The following SNX21 variants were observed in gnomAD, a reference collection of about 807,000 sequenced individuals.
The protein encoded by SNX21 is sorting nexin family member 21, also known as sorting nexin-21.
In SNX21, 36 loss-of-function variants were observed where a neutral mutation model predicts 30.9. That is an observed-to-expected ratio of 1.16 (90% CI 0.89 to 1.54). The LOEUF (loss-of-function observed/expected upper bound fraction) is 1.54, where lower values mean the gene tolerates loss of function less well. Ranked by LOEUF, SNX21 falls within the 40% of genes most tolerant of loss-of-function variation. SNX21 has a pLI of 0.00. For synonymous variants in SNX21, 218 were observed against 222.7 expected (o/e 0.98, Z 0.19); for missense variants, 508 against 516.5 (o/e 0.98, Z 0.16).
At chr20:45,836,813 C>G (rs538320026) in intron 3 of SNX21, among the ~76,000 whole-genome samples, 3 of 152,264 alleles carry the variant, frequency 2.0e-5, no homozygotes, top group Admixed American at 6.5e-5. Context: ...GCAGGATGGC[C>G]AAGTATGCCC....
Position 45,841,545 on chromosome 20 carries a change from G to T in SNX21, c.*232G>T. ...AGGGAAGTCTGACACAGCCTCTCCA[G>T]CCTATAAACAGCCGGGGGGCTGTGG... On this transcript the variant is annotated 3_prime_UTR_variant, in exon 4 of 4. Coordinates refer to ENST00000491381, the MANE Select transcript of SNX21 (RefSeq NM_033421.4). The T allele has an allele frequency of 1.4e-6, 2 of 1,389,522 alleles. No homozygotes were observed. The highest frequency in any genetic ancestry group is 1.9e-6 in the Non-Finnish European group (2 of 1,079,726). 86.1% of individuals were successfully genotyped at this position (1,389,522 alleles called of 1,614,324 possible). A position where few individuals can be genotyped will look rare whatever the true frequency, so the allele number is the denominator to read the frequency against.
rs45528233 is a variant in SNX21 at position 45,835,113 on chromosome 20, C to T, written c.444C>T (p.Tyr148=). ...TTGTCAAGGACCCGCCCTCCAAGTA[C>T]GTGGTGAGTGAGGGTCTAGAACCCC... ...ANVVKDPPSK[Y]VLYTLAVIGP... is the part of the protein sequence containing the mutation. The change falls in exon 3 of 4, where the codon TAC becomes TAT. Residue 148 remains tyrosine, a synonymous_variant. Coordinates refer to ENST00000491381, the MANE Select transcript of SNX21 (RefSeq NM_033421.4). 2.6e-3 allele frequency: 4,217 copies of T among 1,612,170 alleles called. 48 individuals are homozygous for T. The highest frequency in any genetic ancestry group is 0.026 in the African/African-American group (1,933 of 74,982).
At position 45,834,319 on chromosome 20, in the gene SNX21, A is replaced by C. The variant is rs2145734032; in HGVS notation, c.140A>C (p.Asp47Ala). The change falls in exon 2 of 4, where the codon GAC becomes GCC. Residue 47 changes from aspartate to alanine, a missense_variant. Coordinates refer to ENST00000491381, the MANE Select transcript of SNX21 (RefSeq NM_033421.4). ...EQFPESSELE[D>A]DDAEGLSSRL... Reference sequence around the variant, plus strand: ...TTTCCGGAGAGCTCAGAGCTGGAGGACGACGACGCCGAGGGCCTGTCCTCC... The same window carrying C: ...TTTCCGGAGAGCTCAGAGCTGGAGGCCGACGACGCCGAGGGCCTGTCCTCC... 2 of 1,597,884 alleles carry C rather than the reference A, an allele frequency of 1.3e-6. No individual in the cohort carries two copies. The highest frequency in any genetic ancestry group is 2.2e-5 in the South Asian group (2 of 89,666).
At chr20:45,840,457 AG>A in intron 3 of SNX21, 181 bp from the exon 4 acceptor site, 1 of 1,614,082 alleles carries the variant, frequency 6.2e-7, no homozygotes, top group Non-Finnish European at 8.5e-7. Flanking sequence ...GACAAACCTC[AG>A]GTAAGATGGG....
Position 45,833,908 on chromosome 20 carries a change from G to GCGCGC in SNX21, c.-10_-6dup, listed in dbSNP as rs1180702602. The GCGCGC allele has an allele frequency of 7.2e-7, 1 of 1,382,192 alleles. No homozygotes were observed. The highest frequency in any genetic ancestry group is 1.5e-5 in the African/African-American group (1 of 65,400). 85.6% of individuals were successfully genotyped at this position (1,382,192 alleles called of 1,614,324 possible). ...GCTGCACCCGGACCCCTGGGGCGCG[G>GCGCGC]CGCGCCCCTGAATGCACCGTGGGAC... is the stretch of plus-strand genomic sequence containing the variant. On this transcript the variant is annotated 5_prime_UTR_variant, in exon 1 of 4. It removes the in-frame stop codon of an upstream open reading frame in the 5' UTR. Coordinates refer to ENST00000491381, the MANE Select transcript of SNX21 (RefSeq NM_033421.4).
chr20:45,841,936 G>A lies in SNX21; in HGVS notation c.*623G>A, dbSNP rs148674138. 7.7e-3 allele frequency: 12,478 copies of A among 1,613,300 alleles called. 78 individuals are homozygous for A. Among genetic ancestry groups the A allele is most frequent in the Non-Finnish European group, 9.3e-3 (10,969 of 1,179,974 alleles). On this transcript the variant is annotated 3_prime_UTR_variant, in exon 4 of 4. Coordinates refer to ENST00000491381, the MANE Select transcript of SNX21 (RefSeq NM_033421.4). The stretch of plus-strand genomic sequence containing the variant: ...CCATCCTGACGCCACAGCCGCCCAT[G>A]GACCAGCCCCCGAGAGCCACCTGTG...
At chr20:45,834,022 G>C in intron 1 of SNX21, 82 bp downstream of exon 1, 1 of 1,425,114 alleles carries the variant, frequency 7.0e-7, no homozygotes, top group East Asian at 2.7e-5. Flanking sequence ...AGGCTGAGTG[G>C]GTTGGGGGGA....
At chr20:45,837,226 T>G (rs1387422960) in intron 3 of SNX21, among the ~76,000 whole-genome samples, 2 of 152,214 alleles carry the variant, frequency 1.3e-5, no homozygotes, top group Non-Finnish European at 2.9e-5. Context: ...AAAGGCTTAT[T>G]ATATAGACCA....
At position 45,841,503 on chromosome 20, in the gene SNX21, T is replaced by G. The variant is rs1485628091; in HGVS notation, c.*190T>G. 7.2e-7 allele frequency: 1 copy of G among 1,387,552 alleles called. No homozygotes were observed. Among genetic ancestry groups the G allele is most frequent in the Admixed American group, 3.4e-5 (1 of 29,120 alleles). The allele number at this position is 1,387,552 out of a possible 1,614,324, so 86.0% of individuals were successfully genotyped here. ...GGCTCAGGGTGAGCTTTGGCTGGGG[T>G]TGCCCTTGTGTAGTACAGGGAAGTC... On this transcript the variant is annotated 3_prime_UTR_variant, in exon 4 of 4. Coordinates refer to ENST00000491381, the MANE Select transcript of SNX21 (RefSeq NM_033421.4).
chr20:45,836,368 G>A (rs994357571), intron 3 of SNX21, among the ~76,000 whole-genome samples: 2 of 151,926 alleles, frequency 1.3e-5, no homozygotes, highest in African/African-American at 2.4e-5. Context: ...GCAGGCGCCT[G>A]TAGTCCCAGT....
Position 45,834,221 on chromosome 20 carries a change from C to T in SNX21, c.42C>T (p.Leu14=), listed in dbSNP as rs769448926. ...GTQEGAMASR[L]LHRLRHALAG... is the part of the protein sequence containing the mutation. The stretch of plus-strand genomic sequence containing the variant: ...CCCAGGGTGCCATGGCCTCCCGGCT[C>T]CTGCACCGGCTGCGGCACGCCTTGG... The change falls in exon 2 of 4, where the codon CTC becomes CTT. Residue 14 remains leucine (L), a synonymous_variant. Coordinates refer to ENST00000491381, the MANE Select transcript of SNX21 (RefSeq NM_033421.4). 2 of 1,552,556 alleles carry T rather than the reference C, an allele frequency of 1.3e-6. No homozygotes were observed. Among genetic ancestry groups the T allele is most frequent in the Middle Eastern group, 1.8e-4 (1 of 5,612 alleles).
At chr20:45,834,063 A>C in intron 1 of SNX21, 123 bp downstream of exon 1, 2 of 1,406,012 alleles carry the variant, frequency 1.4e-6, no homozygotes, top group Non-Finnish European at 1.9e-6. Context: ...CCTGGTTCGC[A>C]AGACCTCGGA....
In SNX21 at chr20:45,840,806, T is replaced by A; in HGVS notation, c.615T>A (p.Thr205=). The A allele has an allele frequency of 6.2e-7, 1 of 1,613,946 alleles. No homozygotes were observed. The change falls in exon 4 of 4, where the codon ACT becomes ACA. Residue 205 remains threonine (T), a synonymous_variant. Coordinates refer to ENST00000491381, the MANE Select transcript of SNX21 (RefSeq NM_033421.4). ...GTAAGCGGCTGCGCCGGAATTTTACTGCAGAGACCATTGCCCGCCGTAGCC... is the reference window on the plus strand; with the variant it reads ...GTAAGCGGCTGCGCCGGAATTTTACAGCAGAGACCATTGCCCGCCGTAGCC... ...FPRKRLRRNF[T]AETIARRSRA... is the part of the protein sequence containing the mutation.
rs1984260691 is a variant in SNX21, at chr20:45,842,301, A to G, written c.*988A>G. 1 of 1,422,540 alleles carries G rather than the reference A, an allele frequency of 7.0e-7. No individual in the cohort carries two copies. The highest frequency in any genetic ancestry group is 9.1e-7 in the Non-Finnish European group (1 of 1,093,546). 88.1% of individuals were successfully genotyped at this position (1,422,540 alleles called of 1,614,324 possible). ...CAGGAACCCCAGTTGACAGTTTAAA[A>G]GCACTTTCACACCTCTCCTCGCTTC... On this transcript the variant is annotated 3_prime_UTR_variant, in exon 4 of 4. Transcript: ENST00000491381.
Position 45,833,846 on chromosome 20 carries a change from C to G in SNX21, c.-74C>G, listed in dbSNP as rs368289689. On this transcript the variant is annotated 5_prime_UTR_variant, in exon 1 of 4. Transcript: ENST00000491381. ...CTGAGCGGCCTGAGCCCGGCGGAGC[C>G]CTGCAGAACCCGGCCGACCTCCATG... 1 of 1,269,022 alleles carries G rather than the reference C, an allele frequency of 7.9e-7. No homozygotes were observed. The allele number at this position is 1,269,022 out of a possible 1,614,324, so 78.6% of individuals were successfully genotyped here.
chr20:45,834,152 G>T (rs372296189), intron 1 of SNX21, 49 bp from the exon 2 acceptor site: 6 of 1,441,974 alleles, frequency 4.2e-6, no homozygotes, highest in Non-Finnish European at 1.8e-6. Context: ...GCCGGGCTGG[G>T]GTACCCCTCC....
chr20:45,840,023 C>A, intron 3 of SNX21: 2 of 444,008 alleles, frequency 4.5e-6, no homozygotes, highest in Non-Finnish European at 6.0e-6. Context: ...TGGACAAACA[C>A]TGACTTGACC....
At chr20:45,839,840 T>G (rs977162810) in intron 3 of SNX21, among the ~76,000 whole-genome samples, 1 of 151,236 alleles carries the variant, frequency 6.6e-6, no homozygotes, top group African/African-American at 2.4e-5. Context: ...GCCCAGGAGG[T>G]TGAAGCTGCA....
At chr20:45,834,079 AG>A in intron 1 of SNX21, 121 bp from the exon 2 acceptor site, 1 of 1,399,096 alleles carries the variant, frequency 7.1e-7, no homozygotes, top group Non-Finnish European at 9.3e-7. Flanking sequence ...TCGGACTGCC[AG>A]GGGGTGGGGC....
Sources: allele counts gnomAD v4.1 joint callset (sites outside exome capture counted in the v4.1 genomes callset), GRCh38; gene constraint gnomAD v4.1.1; transcripts MANE v1.5; gene names NCBI Gene and HGNC (gene_info 2026-07-23, HGNC 2026-07-21).